The following ZFP64 variants were observed in gnomAD, a reference collection of about 807,000 sequenced individuals.
ZFP64 encodes ZFP64 zinc finger protein, also known as zinc finger protein 64.
In ZFP64, 14 loss-of-function variants were observed where a neutral mutation model predicts 51.6. That is an observed-to-expected ratio of 0.27 (90% CI 0.18 to 0.42). The LOEUF (loss-of-function observed/expected upper bound fraction) is 0.42, where lower values mean the gene tolerates loss of function less well. Among genes scored for constraint, ZFP64 ranks in the 10% least tolerant of loss-of-function variants. The pLI is 1.00. For missense variants in ZFP64, 754 were observed against 906.8 expected (o/e 0.83, Z 2.16); for synonymous variants, 375 against 361.4 (o/e 1.04, Z -0.43).
In ZFP64 at chr20:52,153,473, C is replaced by T. The variant is rs1357021436; in HGVS notation, c.764-45G>A. On this transcript the variant is annotated intron_variant, in intron 5 of 5. Coordinates refer to ENST00000216923, the MANE Select transcript of ZFP64 (RefSeq NM_018197.3). This position sits in a 1 kb window ranked among gnomAD's most constrained non-coding sequence, Gnocchi z 5.1. ...TTCGATAAGAACAGGCAGGCAACAA[C>T]CACAGCGGATCCCCCCGAAGCACAC... 1.3e-6 allele frequency: 2 copies of T among 1,580,346 alleles called. No homozygotes were observed. Among genetic ancestry groups the T allele is most frequent in the South Asian group, 2.4e-5 (2 of 84,536 alleles).
rs753726307 is a variant in ZFP64, at chr20:52,165,903, T to G, written c.409A>C (p.Thr137Pro). 4.6e-5 allele frequency: 75 copies of G among 1,614,120 alleles called. No homozygotes were observed. Among genetic ancestry groups the G allele is most frequent in the Middle Eastern group, 1.6e-4 (1 of 6,062 alleles). ...PAKSRTKKPT[T>P]PPAQKRLNCC... Reference sequence around the variant, plus strand: ...TTAAGCCTTTTCTGAGCAGGTGGTGTTGTGGGCTTTTTGGTGCGTGACTTG... The same window carrying G: ...TTAAGCCTTTTCTGAGCAGGTGGTGGTGTGGGCTTTTTGGTGCGTGACTTG... The change falls in exon 3 of 6, where the codon ACA (threonine) becomes CCA (proline). Residue 137 changes from threonine (T) to proline (P), a missense_variant. Around this residue, in one of 3 missense-constraint regions of ZFP64, gnomAD observed 231 missense variants for 336.7 expected, o/e 0.69. Coordinates refer to ENST00000216923, the MANE Select transcript of ZFP64 (RefSeq NM_018197.3).
intron 2 of ZFP64, among the ~76,000 whole-genome samples, chr20:52,174,996 T>G (rs1983068133): frequency 6.6e-6 from 1 of 152,268 alleles, no homozygotes; most frequent in Non-Finnish European, 1.5e-5. Context: ...AACATTTATT[T>G]TTCCAATGAC....
intron 5 of ZFP64, among the ~76,000 whole-genome samples, chr20:52,130,969 A>AT (rs1979695202): frequency 6.6e-6 from 1 of 151,936 alleles, no homozygotes; most frequent in African/African-American, 2.4e-5. Context: ...AGGAGGCTGA[A>AT]GCAGGAGTAT....
intron 5 of ZFP64, chr20:52,098,722 G>A (rs2122756973): frequency 1.7e-6 from 2 of 1,194,262 alleles, no homozygotes; most frequent in Non-Finnish European, 2.3e-6. Context: ...AAAGCCATGT[G>A]ACCAGGCGGG....
chr20:52,178,062 G>T (rs1035090862), intron 2 of ZFP64, among the ~76,000 whole-genome samples: 1 of 150,592 alleles, frequency 6.6e-6, no homozygotes, highest in Non-Finnish European at 1.5e-5. Context: ...AAAGAAAAAA[G>T]AAAAAAAAGA....
intron 5 of ZFP64, among the ~76,000 whole-genome samples, chr20:52,115,083 T>C: frequency 6.6e-6 from 1 of 151,154 alleles, no homozygotes. Flanking sequence ...TGGGCGCCTG[T>C]AGTCCCAGGT....
chr20:52,140,496 A>C (rs1432149411), intron 5 of ZFP64, among the ~76,000 whole-genome samples: 1 of 152,256 alleles, frequency 6.6e-6, no homozygotes, highest in African/African-American at 2.4e-5. Flanking sequence ...GAATAGATCA[A>C]ACCAGCCACG....
intron 5 of ZFP64, among the ~76,000 whole-genome samples, chr20:52,125,759 C>G (rs1192913245): frequency 1.3e-5 from 2 of 152,178 alleles, no homozygotes; most frequent in African/African-American, 4.8e-5. Flanking sequence ...CTAATGATAA[C>G]TATCAGCCAC....
chr20:52,084,961 C>T (rs746779551), exon 9 of ZFP64: 7 of 1,613,880 alleles, frequency 4.3e-6, no homozygotes, highest in Non-Finnish European at 5.9e-6. Context: ...CTGCTGTGCA[C>T]GCGCAGGGCG....
intron 5 of ZFP64, among the ~76,000 whole-genome samples, chr20:52,134,629 C>A (rs904622586): frequency 3.3e-5 from 5 of 152,130 alleles, no homozygotes; most frequent in African/African-American, 4.8e-5. Context: ...ATAGGAAACA[C>A]AGTGACTTGG....
intron 8 of ZFP64, chr20:52,088,118 G>GATAC (rs539942334): frequency 7.5e-5 from 38 of 506,648 alleles, no homozygotes; most frequent in African/African-American, 5.8e-4. Flanking sequence ...TCTGACTTGA[G>GATAC]ATACATCATT....
chr20:52,125,714 G>A (rs1016886294), intron 5 of ZFP64, among the ~76,000 whole-genome samples: 8 of 152,084 alleles, frequency 5.3e-5, no homozygotes, highest in African/African-American at 1.9e-4. Flanking sequence ...AATAACTGGT[G>A]TCTCTGCACA....
At chr20:52,140,618 T>A (rs984566274) in intron 5 of ZFP64, among the ~76,000 whole-genome samples, 1 of 152,116 alleles carries the variant, frequency 6.6e-6, no homozygotes, top group African/African-American at 2.4e-5. Flanking sequence ...TAGCAGAAGT[T>A]GGTTCAGGAG....
rs114652056 is a variant in ZFP64 at position 52,095,309 on chromosome 20, G to A, written c.976+2064C>T. Among the ~76,000 whole-genome samples the A allele has an allele frequency of 6.2e-3, 947 of 152,284 alleles. 6 individuals are homozygous for A. Among genetic ancestry groups the A allele is most frequent in the African/African-American group, 0.021 (878 of 41,562 alleles). The stretch of plus-strand genomic sequence containing the variant: ...AGCTCGAGTGGTGTGGCTTTAAGGT[G>A]GCAGGAGGCCATTGTGGAGCAGGCT... On this transcript the variant is annotated intron_variant, in intron 7 of 8. Coordinates refer to the ZFP64 transcript ENST00000361387.
rs1980780680 is a variant in ZFP64, at chr20:52,151,330, T to C, written c.*816A>G. 1.0e-5 allele frequency: 10 copies of C among 985,426 alleles called. No individual in the cohort carries two copies. Among genetic ancestry groups the C allele is most frequent in the Non-Finnish European group, 1.2e-5 (10 of 829,918 alleles). 61.0% of individuals were successfully genotyped at this position (985,426 alleles called of 1,614,324 possible). ...ATGGAACCATTCATTTTCTGCTCAT[T>C]AGCACTAAACATTTTTTTTTGGGTC... On this transcript the variant is annotated 3_prime_UTR_variant, in exon 6 of 6. Coordinates refer to ENST00000216923, the MANE Select transcript of ZFP64 (RefSeq NM_018197.3).
intron 5 of ZFP64, among the ~76,000 whole-genome samples, chr20:52,102,144 T>C (rs116431311): frequency 0.021 from 2,668 of 125,116 alleles, 88 homozygotes; most frequent in African/African-American, 0.077. Flanking sequence ...TCTCAGGCCC[T>C]ACTCCAGACT....
At chr20:52,148,033 G>A (rs770038122), downstream of ZFP64, among the ~76,000 whole-genome samples, 1 of 152,156 alleles carries the variant, frequency 6.6e-6, no homozygotes, top group African/African-American at 2.4e-5. Context: ...ATAAAATACT[G>A]ATGCAATTTC....
chr20:52,120,502 T>C (rs531398969), intron 5 of ZFP64, among the ~76,000 whole-genome samples: 22 of 151,860 alleles, frequency 1.4e-4, no homozygotes, highest in African/African-American at 5.1e-4. Context: ...TGTTTTTTTC[T>C]TTTTTTACAA....
intron 2 of ZFP64, among the ~76,000 whole-genome samples, chr20:52,180,705 C>T (rs927539238): frequency 6.6e-6 from 1 of 152,102 alleles, no homozygotes; most frequent in Non-Finnish European, 1.5e-5. Context: ...AGTGACAGCT[C>T]GAAATGGCTT....
Sources: allele counts gnomAD v4.1 joint callset (sites outside exome capture counted in the v4.1 genomes callset), GRCh38; gene constraint gnomAD v4.1.1; regional missense constraint gnomAD v4.1.1; non-coding constraint Gnocchi (gnomAD v3.1); transcripts MANE v1.5; gene names NCBI Gene and HGNC (gene_info 2026-07-23, HGNC 2026-07-21).